Variants in DSCAM observed in about 807,000 individuals in gnomAD.
The protein encoded by DSCAM is DS cell adhesion molecule.
In DSCAM, 47 loss-of-function variants were observed where a neutral mutation model predicts 217.7. The ratio of observed to expected loss-of-function variants is 0.22; its 90% CI spans 0.17 to 0.28. The LOEUF (loss-of-function observed/expected upper bound fraction) is 0.28. Among genes scored for constraint, DSCAM ranks in the 10% least tolerant of loss-of-function variants. The pLI is 1.00. For missense variants in DSCAM, 2,080 were observed against 2,618.3 expected (o/e 0.79, Z 4.49); for synonymous variants, 1,056 against 1,015.3 (o/e 1.04, Z -0.76).
At chr21:40,139,821 G>A (rs1371775980) in intron 18 of DSCAM, among the ~76,000 whole-genome samples, 1 of 150,806 alleles carries the variant, frequency 6.6e-6, no homozygotes, top group Non-Finnish European at 1.5e-5. Flanking sequence ...GTGTGTGTGT[G>A]TGGTATGCGT....
At chr21:40,643,772 G>A (rs1418941668) in intron 3 of DSCAM, among the ~76,000 whole-genome samples, 1 of 152,220 alleles carries the variant, frequency 6.6e-6, no homozygotes, top group African/African-American at 2.4e-5. Context: ...AGGGATGTGT[G>A]CACAGAGGAA....
At chr21:40,313,120 TAAA>T (rs531764117) in intron 8 of DSCAM, among the ~76,000 whole-genome samples, 2 of 135,182 alleles carry the variant, frequency 1.5e-5, no homozygotes, top group Non-Finnish European at 1.6e-5. Context: ...TCTAAAAAAC[TAAA>T]AAAAAAAAAA....
At chr21:40,040,192 G>A (rs2088718866) in intron 32 of DSCAM, among the ~76,000 whole-genome samples, 1 of 152,186 alleles carries the variant, frequency 6.6e-6, no homozygotes, top group Non-Finnish European at 1.5e-5. Flanking sequence ...GTGGACATTT[G>A]AACTTGCATT....
intron 20 of DSCAM, among the ~76,000 whole-genome samples, chr21:40,118,359 G>C (rs966692722): frequency 5.3e-5 from 8 of 152,158 alleles, no homozygotes; most frequent in African/African-American, 1.7e-4. Flanking sequence ...GCCGAGGCAG[G>C]CCGATCACTT....
chr21:40,138,330 CTGTG>C, intron 18 of DSCAM, among the ~76,000 whole-genome samples: 1 of 133,224 alleles, frequency 7.5e-6, no homozygotes, highest in Non-Finnish European at 1.6e-5. Context: ...TATGTGTGTG[CTGTG>C]TGTATGAGGT....
chr21:40,520,614 C>G (rs1315635626), intron 3 of DSCAM, among the ~76,000 whole-genome samples: 1 of 152,006 alleles, frequency 6.6e-6, no homozygotes. Flanking sequence ...CGAGACCAGC[C>G]TGGCCAACAT....
chr21:40,208,732 G>A (rs1267879900), intron 11 of DSCAM, among the ~76,000 whole-genome samples: 1 of 152,112 alleles, frequency 6.6e-6, no homozygotes, highest in Non-Finnish European at 1.5e-5. Flanking sequence ...ATCCGTAGGG[G>A]GTTCCATTTA....
At chr21:40,097,314 C>A (rs987992998) in intron 20 of DSCAM, among the ~76,000 whole-genome samples, 11 of 151,998 alleles carry the variant, frequency 7.2e-5, no homozygotes, top group South Asian at 2.1e-4. Context: ...GTGTGTAATA[C>A]CGCTTGAAAG....
At chr21:40,478,493 G>T (rs1384475674) in intron 3 of DSCAM, among the ~76,000 whole-genome samples, 1 of 152,276 alleles carries the variant, frequency 6.6e-6, no homozygotes, top group African/African-American at 2.4e-5. Context: ...AAATAAAATA[G>T]CAAATTGTAA....
At chr21:40,432,400 C>G (rs1302051902) in intron 3 of DSCAM, among the ~76,000 whole-genome samples, 1 of 152,052 alleles carries the variant, frequency 6.6e-6, no homozygotes, top group Non-Finnish European at 1.5e-5. Flanking sequence ...CTTCCTTCCT[C>G]ACACCACCAC....
chr21:40,324,943 G>A (rs1204549457), intron 8 of DSCAM, among the ~76,000 whole-genome samples: 1 of 152,176 alleles, frequency 6.6e-6, no homozygotes, highest in Non-Finnish European at 1.5e-5. Flanking sequence ...AACCAGAGGT[G>A]ACGACAACCA....
rs1429565964 is a variant in DSCAM, at chr21:40,013,122, T to G, written c.5951A>C (p.Lys1984Thr). The G allele has an allele frequency of 1.9e-6, 3 of 1,610,328 alleles. No homozygotes were observed. The highest frequency in any genetic ancestry group is 2.5e-6 in the Non-Finnish European group (3 of 1,177,784). Reference protein sequence around the residue: ...REGAELGQAAKMSSSQESLLD... With the variant: ...REGAELGQAATMSSSQESLLD... ...CAGTGATTCTTGGGAGCTGCTCATTTTAGCTGCCTGTCCCAGCTCTGCTCC... is the reference window on the plus strand; with the variant it reads ...CAGTGATTCTTGGGAGCTGCTCATTGTAGCTGCCTGTCCCAGCTCTGCTCC... Residue 1984 changes from lysine to threonine, a missense_variant, in exon 33 of 33, where the codon AAA becomes ACA. Physicochemically the swap from Lys to Thr is moderately conservative, Grantham distance 78 (BLOSUM62 -1). This residue lies in a region of DSCAM where 145 missense variants were observed against 138.5 expected (regional missense o/e 1.05). Transcript: ENST00000400454.
intron 3 of DSCAM, among the ~76,000 whole-genome samples, chr21:40,541,284 G>A (rs1438362038): frequency 6.6e-6 from 1 of 152,066 alleles, no homozygotes; most frequent in African/African-American, 2.4e-5. Context: ...TTTTATGCCA[G>A]CCTTTAGTAA....
intron 5 of DSCAM, among the ~76,000 whole-genome samples, chr21:40,349,588 A>T (rs773091843): frequency 1.1e-4 from 17 of 152,216 alleles, no homozygotes; most frequent in Non-Finnish European, 2.4e-4. Flanking sequence ...TCTTTCATAC[A>T]TCATTTAAGT....
At chr21:40,605,760 T>C (rs1432508518) in intron 3 of DSCAM, among the ~76,000 whole-genome samples, 1 of 151,340 alleles carries the variant, frequency 6.6e-6, no homozygotes, top group Non-Finnish European at 1.5e-5. Context: ...AAAAATATGT[T>C]CTTCACTTAT....
intron 19 of DSCAM, among the ~76,000 whole-genome samples, chr21:40,131,799 C>T (rs899877845): frequency 2.6e-5 from 4 of 152,078 alleles, no homozygotes; most frequent in Non-Finnish European, 5.9e-5. Context: ...ACTGGGGTAC[C>T]CAAGGCAGGG....
chr21:40,071,676 T>A (rs575620319), intron 27 of DSCAM, among the ~76,000 whole-genome samples: 1 of 152,250 alleles, frequency 6.6e-6, no homozygotes, highest in Non-Finnish European at 1.5e-5. Context: ...CACTGACATG[T>A]TACTAGAAAT....
chr21:40,080,489 G>A, intron 24 of DSCAM, 149 bp from the exon 25 acceptor site: 1 of 710,184 alleles, frequency 1.4e-6, no homozygotes, highest in Non-Finnish European at 2.2e-6. Flanking sequence ...TCTGATTCCA[G>A]GAAATGTAAC....
intron 1 of DSCAM, among the ~76,000 whole-genome samples, chr21:40,724,312 T>C (rs1289648824): frequency 6.6e-6 from 1 of 152,136 alleles, no homozygotes. Flanking sequence ...AATGGCTCCT[T>C]AGGATTCGGA....
Sources: allele counts gnomAD v4.1 joint callset (sites outside exome capture counted in the v4.1 genomes callset), GRCh38; gene constraint gnomAD v4.1.1; regional missense constraint gnomAD v4.1.1; transcripts MANE v1.5; gene names NCBI Gene and HGNC (gene_info 2026-07-23, HGNC 2026-07-21).